Variants in BCAS3 observed in about 807,000 individuals in gnomAD.
BCAS3 encodes the protein BCAS3 microtubule associated cell migration factor.
In BCAS3, 53 loss-of-function variants were observed where a neutral mutation model predicts 116.1. The ratio of observed to expected loss-of-function variants is 0.46; its 90% confidence interval spans 0.37 to 0.57. BCAS3 has a LOEUF of 0.57. Ranked by LOEUF, BCAS3 falls within the 20% of genes least tolerant of loss-of-function variation. The pLI is 0.00. For missense variants in BCAS3, 917 were observed against 1,165.4 expected, an observed-to-expected ratio of 0.79 and a Z score of 3.10; for synonymous variants, 391 against 408.2, an observed-to-expected ratio of 0.96 and a Z score of 0.51.
At chr17:60,719,843 G>A (rs1199102366) in intron 5 of BCAS3, among the ~76,000 whole-genome samples, 1 of 152,152 alleles carries the variant, frequency 6.6e-6, no homozygotes, top group Non-Finnish European at 1.5e-5. Context: ...GTTGTGAGAG[G>A]ATTACCAAAA....
At chr17:60,721,460 A>T (rs540257513) in intron 5 of BCAS3, among the ~76,000 whole-genome samples, 1 of 152,190 alleles carries the variant, frequency 6.6e-6, no homozygotes, top group Non-Finnish European at 1.5e-5. Context: ...TATGTTTCTT[A>T]AAGTATCACT....
chr17:60,785,482 G>T (rs796582010), intron 6 of BCAS3, among the ~76,000 whole-genome samples: 6 of 152,256 alleles, frequency 3.9e-5, no homozygotes, highest in African/African-American at 1.4e-4. Context: ...TTGAAAGTCT[G>T]TTTCATATGA....
chr17:61,192,091 C>T (rs141268013), intron 22 of BCAS3, among the ~76,000 whole-genome samples: 3,221 of 151,396 alleles, frequency 0.021, 124 homozygotes, highest in African/African-American at 0.074. Flanking sequence ...CTAAAACTTA[C>T]AAAAATTAGC....
At chr17:60,693,945 G>A (rs2035225973) in intron 4 of BCAS3, among the ~76,000 whole-genome samples, 1 of 147,086 alleles carries the variant, frequency 6.8e-6, no homozygotes, top group Non-Finnish European at 1.5e-5. Context: ...GAGTGCAGTG[G>A]CGTGATCTTG....
Position 60,920,741 on chromosome 17 carries a change from G to A in BCAS3, c.994-3666G>A, listed in dbSNP as rs569042407. 5.9e-5 allele frequency among the ~76,000 whole-genome samples: 9 copies of A among 152,106 alleles called. No homozygotes were observed. The South Asian group carries it at 1.9e-3, about 32-fold the overall frequency. On this transcript the variant is annotated intron_variant, in intron 12 of 23. Transcript: ENST00000407086. The stretch of plus-strand genomic sequence containing the variant: ...AAAAATTAGCTGGGCGTGGTGGCGG[G>A]TGCCCATAGTCCCAGCTACTCGGGA...
intron 22 of BCAS3, chr17:61,159,241 A>G (rs1467497220): frequency 1.3e-5 from 2 of 152,190 alleles, no homozygotes; most frequent in African/African-American, 4.8e-5. Context: ...CGGTATACCC[A>G]GTATCAGCTT....
chr17:60,703,360 G>A (rs2036669823), intron 4 of BCAS3, among the ~76,000 whole-genome samples: 1 of 151,372 alleles, frequency 6.6e-6, no homozygotes, highest in Admixed American at 6.6e-5. Context: ...AGACTGAGGC[G>A]GGCAGATCAC....
intron 22 of BCAS3, among the ~76,000 whole-genome samples, chr17:61,288,038 A>C (rs1455006561): frequency 6.6e-6 from 1 of 152,188 alleles, no homozygotes; most frequent in Non-Finnish European, 1.5e-5. Context: ...CTCTACACCA[A>C]AGTGTAAAAG....
rs560498614 is a variant in BCAS3, at chr17:61,332,711, G to A, written c.2426-35616G>A. ...GCTCATAGCAGCCTCCACCTCCCAGGTTCAAGCCATTCTCCTGCCTCAGCT... is the reference window on the plus strand; with the variant it reads ...GCTCATAGCAGCCTCCACCTCCCAGATTCAAGCCATTCTCCTGCCTCAGCT... On this transcript the variant is annotated intron_variant, in intron 22 of 23. Coordinates refer to ENST00000407086, the MANE Select transcript of BCAS3 (RefSeq NM_017679.5). The surrounding 1 kb of genome is among the most constrained non-coding windows in gnomAD (Gnocchi z 5.4). Among the ~76,000 whole-genome samples, 95 of 152,222 alleles carry A rather than the reference G, an allele frequency of 6.2e-4. No homozygotes were observed. Among genetic ancestry groups the A allele is most frequent in the Middle Eastern group, 3.4e-3 (1 of 294 alleles).
intron 3 of BCAS3, chr17:60,689,086 C>T (rs1249558938): frequency 2.0e-5 from 3 of 152,140 alleles, no homozygotes; most frequent in African/African-American, 7.2e-5. Flanking sequence ...ATTTGTTGAC[C>T]AGTATAGCGG....
intron 22 of BCAS3, among the ~76,000 whole-genome samples, chr17:61,142,158 A>G (rs1368076943): frequency 6.6e-6 from 1 of 151,952 alleles, no homozygotes; most frequent in Non-Finnish European, 1.5e-5. Context: ...ACCTTATCTC[A>G]TTAATCTTGT....
At chr17:60,755,234 A>G (rs1341663276) in intron 6 of BCAS3, among the ~76,000 whole-genome samples, 1 of 152,204 alleles carries the variant, frequency 6.6e-6, no homozygotes, top group African/African-American at 2.4e-5. Flanking sequence ...GTTTTTCTAT[A>G]AGAGGTATAG....
At chr17:60,765,133 ACT>A (rs1446146064) in intron 6 of BCAS3, among the ~76,000 whole-genome samples, 2 of 151,704 alleles carry the variant, frequency 1.3e-5, no homozygotes, top group East Asian at 1.9e-4. Context: ...ATAGGTCTTG[ACT>A]CTCTATCCAC....
At chr17:60,789,347 G>T (rs964015849) in intron 6 of BCAS3, among the ~76,000 whole-genome samples, 1 of 152,142 alleles carries the variant, frequency 6.6e-6, no homozygotes, top group African/African-American at 2.4e-5. Context: ...AATGGTGTGT[G>T]TGGTGGGGGA....
At chr17:61,054,891 A>C (rs866923951) in intron 19 of BCAS3, among the ~76,000 whole-genome samples, 1 of 152,198 alleles carries the variant, frequency 6.6e-6, no homozygotes, top group Non-Finnish European at 1.5e-5. Flanking sequence ...TGGATTAACA[A>C]ATTTGGCTGG....
In BCAS3 at chr17:61,243,416, C is replaced by T. The variant is rs544638022; in HGVS notation, c.2426-124911C>T. Among the ~76,000 whole-genome samples the T allele has an allele frequency of 6.6e-5, 10 of 152,282 alleles. No individual in the cohort carries two copies. The highest frequency in any genetic ancestry group is 2.4e-4 in the African/African-American group (10 of 41,564). On this transcript the variant is annotated intron_variant, in intron 22 of 23. Coordinates refer to ENST00000407086, the MANE Select transcript of BCAS3 (RefSeq NM_017679.5). The surrounding 1 kb of genome is among the most constrained non-coding windows in gnomAD (Gnocchi z 5.6). Reference sequence around the variant, plus strand: ...TTGCTTCTACATCTTGACTATTGTGCATAATGCTACAGTGAACGTTCCATA... The same window carrying T: ...TTGCTTCTACATCTTGACTATTGTGTATAATGCTACAGTGAACGTTCCATA...
chr17:61,223,055 A>G (rs191542376), intron 22 of BCAS3, among the ~76,000 whole-genome samples: 127 of 151,510 alleles, frequency 8.4e-4, no homozygotes, highest in Non-Finnish European at 1.5e-3. Flanking sequence ...CCAATGCAAT[A>G]TCTCCCTTTC....
chr17:60,860,210 A>G (rs1187155891), intron 7 of BCAS3, among the ~76,000 whole-genome samples: 1 of 152,160 alleles, frequency 6.6e-6, no homozygotes, highest in Admixed American at 6.5e-5. Flanking sequence ...GTGAGAAGGC[A>G]TCTGATTGTG....
At chr17:61,288,785 G>C (rs2052085392) in intron 22 of BCAS3, among the ~76,000 whole-genome samples, 1 of 152,192 alleles carries the variant, frequency 6.6e-6, no homozygotes. Flanking sequence ...CTTGTACCCA[G>C]CCATGGGCGA....
Sources: allele counts gnomAD v4.1 joint callset (sites outside exome capture counted in the v4.1 genomes callset), GRCh38; gene constraint gnomAD v4.1.1; non-coding constraint Gnocchi (gnomAD v3.1); transcripts MANE v1.5; gene names NCBI Gene and HGNC (gene_info 2026-07-23, HGNC 2026-07-21).